The following RABGAP1L variants were observed in gnomAD, a reference collection of about 807,000 sequenced individuals.
RABGAP1L encodes rab GTPase-activating protein 1-like.
A neutral mutation model predicts 137.7 loss-of-function variants in RABGAP1L; 63 were observed. The observed-to-expected ratio is 0.46, with a 90% CI of 0.37 to 0.56. The LOEUF (loss-of-function observed/expected upper bound fraction) is 0.56. Ranked by LOEUF, RABGAP1L falls within the 20% of genes least tolerant of loss-of-function variation. The pLI is 0.00. For synonymous variants in RABGAP1L, 431 were observed against 433.7 expected, an observed-to-expected ratio of 0.99 and a Z score of 0.08; for missense variants, 1,095 against 1,244.0, an observed-to-expected ratio of 0.88 and a Z score of 1.80.
At chr1:174,386,823 G>A (rs1489054276) in intron 12 of RABGAP1L, among the ~76,000 whole-genome samples, 1 of 152,102 alleles carries the variant, frequency 6.6e-6, no homozygotes, top group African/African-American at 2.4e-5. Flanking sequence ...GTTTTTATAA[G>A]AGCATGTAGA....
intron 11 of RABGAP1L, among the ~76,000 whole-genome samples, chr1:174,366,658 C>G (rs1267914837): frequency 1.3e-5 from 2 of 151,708 alleles, no homozygotes; most frequent in African/African-American, 4.8e-5. Context: ...CCCTGTAGTC[C>G]CAGCTACTTC....
chr1:174,286,854 C>T (rs1490676947), intron 10 of RABGAP1L, among the ~76,000 whole-genome samples: 1 of 151,666 alleles, frequency 6.6e-6, no homozygotes, highest in African/African-American at 2.4e-5. Context: ...TCCATTTTTC[C>T]CTCTGTTTTT....
chr1:174,980,689 T>C (rs1318998080), intron 23 of RABGAP1L, among the ~76,000 whole-genome samples: 1 of 152,234 alleles, frequency 6.6e-6, no homozygotes, highest in Non-Finnish European at 1.5e-5. Flanking sequence ...AGGGCTAGGC[T>C]TGGGACCTTG....
At chr1:174,355,701 C>T (rs1046577904) in intron 11 of RABGAP1L, among the ~76,000 whole-genome samples, 10 of 151,890 alleles carry the variant, frequency 6.6e-5, no homozygotes, top group Middle Eastern at 3.4e-3. Flanking sequence ...CCCTAGGTCT[C>T]GAGTATTTTT....
At chr1:174,216,599 T>G (rs1669342898) in intron 1 of RABGAP1L, among the ~76,000 whole-genome samples, 2 of 140,190 alleles carry the variant, frequency 1.4e-5, no homozygotes, top group Non-Finnish European at 3.1e-5. Flanking sequence ...TTTTTTTTTT[T>G]GTCCATGTGG....
At chr1:174,802,369 G>A (rs555486702) in intron 18 of RABGAP1L, among the ~76,000 whole-genome samples, 1 of 152,332 alleles carries the variant, frequency 6.6e-6, no homozygotes, top group African/African-American at 2.4e-5. Context: ...CACTTTGGGA[G>A]GCTGAGGCGG....
intron 13 of RABGAP1L, among the ~76,000 whole-genome samples, chr1:174,576,647 C>G (rs1247229904): frequency 6.6e-6 from 1 of 152,104 alleles, no homozygotes; most frequent in African/African-American, 2.4e-5. Context: ...AACTTTTTCC[C>G]TATTTATTTA....
In RABGAP1L at chr1:174,989,889, A is replaced by C; in HGVS notation, c.3044A>C (p.Gln1015Pro). 1 of 1,550,658 alleles carries C rather than the reference A, an allele frequency of 6.4e-7. No homozygotes were observed. Among genetic ancestry groups the C allele is most frequent in the Non-Finnish European group, 8.7e-7 (1 of 1,146,976 alleles). Reference sequence around the variant, plus strand: ...AGAGGAGCCCTTATGAATGAAATCCAAGCTGCGAAAAACTCTTGGTTTAGC... The same window carrying C: ...AGAGGAGCCCTTATGAATGAAATCCCAGCTGCGAAAAACTCTTGGTTTAGC... ...HQRGALMNEI[Q>P]AAKNSWFSKT... The change falls in exon 26 of 26, where the codon CAA (glutamine) becomes CCA (proline). Residue 1015 changes from glutamine to proline, a missense_variant. Physicochemically the swap from Gln to Pro is moderately conservative, Grantham distance 76. Around this residue, in one of 4 missense-constraint regions of RABGAP1L, gnomAD observed 312 missense variants for 435.6 expected, o/e 0.72. Coordinates refer to ENST00000681986, the MANE Select transcript of RABGAP1L (RefSeq NM_001366446.1).
intron 19 of RABGAP1L, among the ~76,000 whole-genome samples, chr1:174,890,325 T>C (rs146452535): frequency 6.6e-6 from 1 of 152,318 alleles, no homozygotes; most frequent in African/African-American, 2.4e-5. Flanking sequence ...AAATGGGATA[T>C]TCTATCTGCT....
intron 13 of RABGAP1L, among the ~76,000 whole-genome samples, chr1:174,411,436 C>T (rs972445752): frequency 2.0e-5 from 3 of 152,002 alleles, no homozygotes; most frequent in African/African-American, 7.2e-5. Flanking sequence ...GTATTTTTAT[C>T]ATGAAGGGAT....
chr1:174,616,171 G>A (rs765908548), intron 13 of RABGAP1L, among the ~76,000 whole-genome samples: 10 of 152,184 alleles, frequency 6.6e-5, no homozygotes, highest in African/African-American at 1.9e-4. Context: ...CTTCTGCGTC[G>A]CTCATGCTAG....
intron 21 of RABGAP1L, among the ~76,000 whole-genome samples, chr1:174,975,113 A>G (rs1047508683): frequency 6.6e-5 from 10 of 152,208 alleles, no homozygotes; most frequent in Non-Finnish European, 1.2e-4. Flanking sequence ...TCATTCACCA[A>G]GTACTTAGGG....
At chr1:174,369,255 T>G (rs936323166) in intron 11 of RABGAP1L, among the ~76,000 whole-genome samples, 5 of 152,160 alleles carry the variant, frequency 3.3e-5, no homozygotes, top group Admixed American at 6.5e-5. Flanking sequence ...AGTGGCACAA[T>G]CTTGGCTCAC....
intron 13 of RABGAP1L, among the ~76,000 whole-genome samples, chr1:174,443,279 T>G (rs1473846715): frequency 6.6e-6 from 1 of 152,128 alleles, no homozygotes; most frequent in Non-Finnish European, 1.5e-5. Flanking sequence ...TATTTTTAAA[T>G]TTTTGAGGAA....
At chr1:174,238,962 G>A (rs942856257) in intron 4 of RABGAP1L, 1 of 158,600 alleles carries the variant, frequency 6.3e-6, no homozygotes, top group Non-Finnish European at 1.4e-5. Flanking sequence ...GTGGGATATA[G>A]TCTCGTGGTG....
chr1:174,231,423 C>A, intron 4 of RABGAP1L, 68 bp downstream of exon 4: 3 of 1,397,286 alleles, frequency 2.1e-6, no homozygotes, highest in East Asian at 2.3e-5. Flanking sequence ...GATGTTATAG[C>A]ATCATCAGGT....
In RABGAP1L at chr1:174,427,994, C is replaced by T. The variant is rs117122750; in HGVS notation, c.1710+33849C>T. On this transcript the variant is annotated intron_variant, in intron 13 of 25. Transcript: ENST00000681986. ...TAAATTATTTCGGGTCCCTGCAGTA[C>T]GGTCTTTTTGATCTTCTAGTGAATA... Among the ~76,000 whole-genome samples, 105 of 152,250 alleles carry T rather than the reference C, an allele frequency of 6.9e-4. 1 individual carries two copies. The East Asian group carries it at 0.017, about 24-fold the overall frequency.
intron 13 of RABGAP1L, among the ~76,000 whole-genome samples, chr1:174,480,419 A>AG (rs1658962330): frequency 6.6e-6 from 1 of 152,236 alleles, no homozygotes; most frequent in East Asian, 1.9e-4. Flanking sequence ...TTAAGCAAAC[A>AG]GTGATATACC....
chr1:174,734,129 AT>A (rs1305948192), intron 17 of RABGAP1L, among the ~76,000 whole-genome samples: 1 of 152,160 alleles, frequency 6.6e-6, no homozygotes, highest in African/African-American at 2.4e-5. Flanking sequence ...AGGAATTCAG[AT>A]TTTTACATGT....
Sources: gnomAD v4.1 joint callset for allele counts (sites outside exome capture counted in the v4.1 genomes callset) on GRCh38, gnomAD v4.1.1 for gene constraint, gnomAD v4.1.1 regional missense constraint, MANE v1.5 for transcripts, NCBI Gene and HGNC (gene_info 2026-07-23, HGNC 2026-07-21) for gene names.